CD207: variants seen among roughly 807,000 people sequenced by gnomAD.
CD207 encodes the protein C-type lectin domain family 4 member K.
Under a neutral mutation model 31.6 loss-of-function variants are expected in CD207, and 28 were observed. That is an observed-to-expected ratio of 0.89 (90% CI 0.66 to 1.21). The LOEUF (loss-of-function observed/expected upper bound fraction) is 1.21, where lower values mean the gene tolerates loss of function less well. Ranked by LOEUF, CD207 falls within the 50% of genes most tolerant of loss-of-function variation. The pLI is 0.00. For synonymous variants in CD207, 168 were observed against 153.9 expected (o/e 1.09, Z -0.68); for missense variants, 388 against 397.8 (o/e 0.98, Z 0.21).
chr2:70,828,133 A>G (rs1480617016), downstream of CD207, among the ~76,000 whole-genome samples: 2 of 152,192 alleles, frequency 1.3e-5, no homozygotes, highest in South Asian at 2.1e-4. Context: ...TTCACAAGAA[A>G]TACTGTGGGG....
At chr2:70,827,291 T>C (rs11126298), downstream of CD207, among the ~76,000 whole-genome samples, 92,990 of 151,856 alleles carry the variant, frequency 0.61, 28,847 homozygotes, top group Middle Eastern at 0.7. Flanking sequence ...ATAAATTGGG[T>C]AGCCTGTGTT....
chr2:70,825,521 C>G (rs1028275475), downstream of CD207, among the ~76,000 whole-genome samples: 4 of 152,196 alleles, frequency 2.6e-5, no homozygotes, highest in African/African-American at 9.6e-5. Flanking sequence ...AAAGCTGAAA[C>G]TATTCTATAA....
rs1677482693 is a variant in CD207 at position 70,831,835 on chromosome 2, G to A, written c.718-16C>T. On this transcript the variant is annotated splice_polypyrimidine_tract_variant and intron_variant, in intron 4 of 5. Coordinates refer to ENST00000410009, the MANE Select transcript of CD207 (RefSeq NM_015717.5). ...ACAGAAACTCCTGTAGGAAAGACAG[G>A]ATAAGCAGAGGTGCGGCCACACTTG... 3.0e-5 allele frequency: 45 copies of A among 1,513,892 alleles called. No homozygotes were observed. The highest frequency in any genetic ancestry group is 4.0e-5 in the Non-Finnish European group (44 of 1,089,450). The allele number at this position is 1,513,892 out of a possible 1,614,324, so 93.8% of individuals were successfully genotyped here.
chr2:70,834,057 G>T (rs1677546903), intron 2 of CD207, 37 bp from the exon 3 acceptor site: 1 of 1,483,354 alleles, frequency 6.7e-7, no homozygotes, highest in South Asian at 1.5e-5. Flanking sequence ...GCTGAGGGGA[G>T]TCCCAGGGAC....
chr2:70,832,847 C>T, intron 4 of CD207, 53 bp downstream of exon 4: 1 of 1,537,332 alleles, frequency 6.5e-7, no homozygotes, highest in East Asian at 2.3e-5. Context: ...CCCATCCTCC[C>T]TGGCCCAGTG....
At position 70,834,073 on chromosome 2, in the gene CD207, TG is replaced by T. The variant is rs1196784907; in HGVS notation, c.191-54del. 2.0e-5 allele frequency: 29 copies of T among 1,439,444 alleles called. No individual in the cohort carries two copies. The African/African-American group carries it at 4.0e-4, about 20-fold the overall frequency. The allele number at this position is 1,439,444 out of a possible 1,614,324, so 89.2% of individuals were successfully genotyped here. ...CTGAGGGGAGTCCCAGGGACAGGAG[TG>T]GGGGTGTTGTCAGGTTGATCAAAGG... On this transcript the variant is annotated intron_variant, in intron 2 of 5. Coordinates refer to ENST00000410009, the MANE Select transcript of CD207 (RefSeq NM_015717.5).
downstream of CD207, among the ~76,000 whole-genome samples, chr2:70,826,008 C>T (rs114190449): frequency 0.6 from 91,246 of 151,168 alleles, 27,985 homozygotes; most frequent in Middle Eastern, 0.7. Flanking sequence ...ATTAGCTGGG[C>T]ATGGTGGTGC....
At chr2:70,834,190 C>T (rs774857827) in intron 2 of CD207, among the ~76,000 whole-genome samples, 170 bp from the exon 3 acceptor site, 12 of 152,232 alleles carry the variant, frequency 7.9e-5, no homozygotes, top group African/African-American at 7.2e-5. Context: ...GTACAACAAA[C>T]GTGCAATGGG....
At chr2:70,832,165 G>A (rs1435888986) in intron 4 of CD207, among the ~76,000 whole-genome samples, 1 of 152,240 alleles carries the variant, frequency 6.6e-6, no homozygotes, top group African/African-American at 2.4e-5. Flanking sequence ...TCCACATACG[G>A]CACTGTGCTG....
downstream of CD207, among the ~76,000 whole-genome samples, chr2:70,829,087 A>G (rs537157357): frequency 6.6e-6 from 1 of 152,284 alleles, no homozygotes; most frequent in South Asian, 2.1e-4. Context: ...TCCTTTTGTT[A>G]ACAGCCTCAT....
chr2:70,831,029 T>C lies in CD207; in HGVS notation c.*21A>G, dbSNP rs1438593027. ...TTAACAAGCGTTGGAGCTCAAAGAG[T>C]GAGCTTGGGAGCCTGTCCTGTCACG... On this transcript the variant is annotated 3_prime_UTR_variant, in exon 6 of 6. Coordinates refer to ENST00000410009, the MANE Select transcript of CD207 (RefSeq NM_015717.5). 2 of 1,603,210 alleles carry C rather than the reference T, an allele frequency of 1.2e-6. No homozygotes were observed. The highest frequency in any genetic ancestry group is 1.3e-5 in the African/African-American group (1 of 74,488).
intron 2 of CD207, 40 bp downstream of exon 2, chr2:70,835,451 G>T: frequency 6.8e-7 from 1 of 1,465,372 alleles, no homozygotes; most frequent in Non-Finnish European, 9.5e-7. Context: ...GCTGGCCACA[G>T]AGAGGGGCTA....
the CD207 span, among the ~76,000 whole-genome samples, chr2:70,824,750 A>G: frequency 1.3e-5 from 2 of 152,192 alleles, no homozygotes; most frequent in Non-Finnish European, 2.9e-5. Flanking sequence ...CAAATAAAAT[A>G]GTATTGGATT....
chr2:70,829,795 C>T (rs546967049), downstream of CD207, among the ~76,000 whole-genome samples: 2 of 152,234 alleles, frequency 1.3e-5, no homozygotes, highest in South Asian at 4.2e-4. Flanking sequence ...TAATGAAGAC[C>T]TGTGCTCACT....
At chr2:70,825,516 T>C (rs782716075), downstream of CD207, among the ~76,000 whole-genome samples, 2 of 152,194 alleles carry the variant, frequency 1.3e-5, no homozygotes, top group Non-Finnish European at 1.5e-5. Flanking sequence ...TCTGTAAAGC[T>C]GAAACTATTC....
chr2:70,831,796 C>T lies in CD207; in HGVS notation c.741G>A (p.Gly247=). ...TCAGGCCAATCCAGTAGATGAGTCC[C>T]CCCGCTGTTTTATACAGAAACTCCT... ...SEQEFLYKTA[G]GLIYWIGLTK... Residue 247 remains glycine (G), a synonymous_variant, in exon 5 of 6, where the codon GGG becomes GGA. Coordinates refer to ENST00000410009, the MANE Select transcript of CD207 (RefSeq NM_015717.5). 1 of 1,612,256 alleles carries T rather than the reference C, an allele frequency of 6.2e-7. No homozygotes were observed. Among genetic ancestry groups the T allele is most frequent in the Non-Finnish European group, 8.5e-7 (1 of 1,178,334 alleles).
chr2:70,831,656 T>C (rs1677476319), intron 5 of CD207, 45 bp downstream of exon 5: 4 of 1,190,816 alleles, frequency 3.4e-6, no homozygotes, highest in Non-Finnish European at 5.0e-6. Context: ...GCCCTGGCCA[T>C]GGCCGGGGAA....
downstream of CD207, among the ~76,000 whole-genome samples, chr2:70,825,500 A>G (rs1392624497): frequency 2.6e-5 from 4 of 152,196 alleles, no homozygotes; most frequent in Non-Finnish European, 5.9e-5. Context: ...TTATCTTCAC[A>G]ATTTTTCTGT....
downstream of CD207, among the ~76,000 whole-genome samples, chr2:70,828,824 C>G (rs1553399237): frequency 6.6e-6 from 1 of 152,128 alleles, no homozygotes; most frequent in Admixed American, 6.5e-5. Context: ...CACCACCATG[C>G]CCGGCTAATT....
Sources: allele counts gnomAD v4.1 joint callset (sites outside exome capture counted in the v4.1 genomes callset), GRCh38; gene constraint gnomAD v4.1.1; transcripts MANE v1.5; gene names NCBI Gene and HGNC (gene_info 2026-07-23, HGNC 2026-07-21).